The following NARS2 variants were observed in gnomAD, a reference collection of about 807,000 sequenced individuals.
NARS2 encodes asparaginyl-tRNA synthetase 2, mitochondrial, also known as asparaginyl-tRNA synthetase.
NARS2 carries 60 observed loss-of-function variants against 62.9 expected under a neutral mutation model. The observed-to-expected ratio is 0.95, with a 90% CI of 0.77 to 1.18. The LOEUF (loss-of-function observed/expected upper bound fraction) is 1.18, where lower values mean the gene tolerates loss of function less well. Among genes scored for constraint, NARS2 ranks in the 50% most tolerant of loss-of-function variants. The probability of loss-of-function intolerance (pLI) is 0.00; values close to 1 mark genes in which losing one functional copy is unlikely to be tolerated. For synonymous variants in NARS2, 196 were observed against 200.0 expected, an observed-to-expected ratio of 0.98 and a Z score of 0.17; for missense variants, 619 against 576.4, an observed-to-expected ratio of 1.07 and a Z score of -0.76.
At chr11:78,451,537 G>A (rs1039418839) in intron 11 of NARS2, among the ~76,000 whole-genome samples, 9 of 152,244 alleles carry the variant, frequency 5.9e-5, no homozygotes, top group African/African-American at 1.9e-4. Context: ...GCATTTGCGG[G>A]TGATGACAAC....
At chr11:78,475,270 G>A (rs1026185252) in intron 9 of NARS2, among the ~76,000 whole-genome samples, 1 of 152,116 alleles carries the variant, frequency 6.6e-6, no homozygotes, top group Non-Finnish European at 1.5e-5. Context: ...GTATTCCACT[G>A]TGTATATATA....
intron 5 of NARS2, among the ~76,000 whole-genome samples, chr11:78,543,381 T>C (rs1855707045): frequency 6.6e-6 from 1 of 152,162 alleles, no homozygotes; most frequent in South Asian, 2.1e-4. Context: ...TTTCCCCTAA[T>C]AATTAGATGG....
intron 11 of NARS2, among the ~76,000 whole-genome samples, chr11:78,448,589 A>T (rs1157519866): frequency 6.6e-6 from 1 of 152,074 alleles, no homozygotes; most frequent in Non-Finnish European, 1.5e-5. Flanking sequence ...GGGATTACAG[A>T]TGTGAACCAC....
chr11:78,544,028 A>AAAAC (rs1294636927), intron 5 of NARS2, among the ~76,000 whole-genome samples: 6 of 151,038 alleles, frequency 4.0e-5, no homozygotes, highest in Non-Finnish European at 5.9e-5. Flanking sequence ...CAAAAAAAAA[A>AAAAC]AAAAAAAAAA....
At chr11:78,449,743 A>G (rs1184924510) in intron 11 of NARS2, among the ~76,000 whole-genome samples, 2 of 152,212 alleles carry the variant, frequency 1.3e-5, no homozygotes, top group Non-Finnish European at 2.9e-5. Context: ...ATTGAGAAGC[A>G]TAACTAGCCT....
At chr11:78,442,693 T>C (rs1417922631) in intron 12 of NARS2, among the ~76,000 whole-genome samples, 1 of 152,058 alleles carries the variant, frequency 6.6e-6, no homozygotes, top group Non-Finnish European at 1.5e-5. Flanking sequence ...ATGGTTAGTT[T>C]AGGAAGTCAT....
Position 78,574,657 on chromosome 11 carries a change from G to A in NARS2, c.-169C>T, listed in dbSNP as rs1265385217. On this transcript the variant is annotated 5_prime_UTR_variant, in exon 1 of 14. Coordinates refer to ENST00000281038, the MANE Select transcript of NARS2 (RefSeq NM_024678.6). ...TTTCTCCTTCAGGACTCCCAGCTCT[G>A]TCCCCACAGAACCTCTCCGCTTCCC... 50 of 684,480 alleles carry A rather than the reference G, an allele frequency of 7.3e-5. No homozygotes were observed. The highest frequency in any genetic ancestry group is 5.6e-4 in the South Asian group (29 of 51,416). 42.4% of individuals were successfully genotyped at this position (684,480 alleles called of 1,614,324 possible).
intron 7 of NARS2, among the ~76,000 whole-genome samples, chr11:78,490,770 AAG>A: frequency 6.6e-6 from 1 of 152,298 alleles, no homozygotes; most frequent in Admixed American, 6.5e-5. Context: ...TCAAAAAAAA[AAG>A]AATAAAGAAA....
intron 9 of NARS2, among the ~76,000 whole-genome samples, chr11:78,471,222 G>C (rs4945280): frequency 6.6e-6 from 1 of 152,188 alleles, no homozygotes; most frequent in Non-Finnish European, 1.5e-5. Flanking sequence ...CAGAAGGTTA[G>C]AGAGGATCAA....
chr11:78,561,129 T>C (rs1590866951), intron 4 of NARS2, among the ~76,000 whole-genome samples: 1 of 152,184 alleles, frequency 6.6e-6, no homozygotes, highest in South Asian at 2.1e-4. Context: ...GTGGGAATTA[T>C]TTTTAATACT....
rs185931047 is a variant in NARS2 at position 78,501,427 on chromosome 11, T to C, written c.690-8232A>G. ...AACTTCAAGGATTCCCCTGAGAGGA[T>C]GTGAAGCCCCAGAGATATCCAGACC... is the stretch of plus-strand genomic sequence containing the variant. On this transcript the variant is annotated intron_variant, in intron 6 of 13. Coordinates refer to ENST00000281038, the MANE Select transcript of NARS2 (RefSeq NM_024678.6). Among the ~76,000 whole-genome samples, 43 of 152,356 alleles carry C rather than the reference T, an allele frequency of 2.8e-4. 2 individuals are homozygous for C. The South Asian group carries it at 8.9e-3, about 32-fold the overall frequency.
intron 2 of NARS2, among the ~76,000 whole-genome samples, chr11:78,569,843 G>A (rs1355985389): frequency 1.3e-5 from 2 of 152,170 alleles, no homozygotes; most frequent in Non-Finnish European, 2.9e-5. Flanking sequence ...AGACCCATGT[G>A]ATTGCTATAC....
At chr11:78,567,673 C>G (rs1856790941) in intron 3 of NARS2, among the ~76,000 whole-genome samples, 1 of 152,184 alleles carries the variant, frequency 6.6e-6, no homozygotes, top group African/African-American at 2.4e-5. Context: ...ATTAGAATTT[C>G]TTGGAAATTA....
At chr11:78,505,191 G>A (rs10899535) in intron 6 of NARS2, among the ~76,000 whole-genome samples, 104,640 of 151,022 alleles carry the variant, frequency 0.69, 37,778 homozygotes, top group Non-Finnish European at 0.81. Flanking sequence ...AGACTGAGGA[G>A]GGAGGATCAC....
intron 9 of NARS2, among the ~76,000 whole-genome samples, chr11:78,475,161 A>T (rs1052159805): frequency 1.3e-5 from 2 of 152,190 alleles, no homozygotes; most frequent in Admixed American, 1.3e-4. Flanking sequence ...CATCAAAGTG[A>T]ATCATGCAGT....
At chr11:78,527,728 T>C (rs1045236301) in intron 6 of NARS2, among the ~76,000 whole-genome samples, 2 of 152,238 alleles carry the variant, frequency 1.3e-5, no homozygotes, top group Admixed American at 6.5e-5. Context: ...GAAAAGATTT[T>C]TTTAAGTCCT....
In NARS2 at chr11:78,574,348, C is replaced by T; in HGVS notation, c.141G>A (p.Gln47=). 6.2e-7 allele frequency: 1 copy of T among 1,614,228 alleles called. No individual in the cohort carries two copies. The highest frequency in any genetic ancestry group is 1.1e-5 in the South Asian group (1 of 91,088). Residue 47 remains glutamine, a splice_region_variant and synonymous_variant, in exon 1 of 14, where the codon CAG becomes CAA. Coordinates refer to ENST00000281038, the MANE Select transcript of NARS2 (RefSeq NM_024678.6). ...QNASGERIKI[Q]GWIRSVRSQK... ...ACCCACTCCCTTCCCATTCACCAAC[C>T]TGGATCTTAATGCGCTCCCCACTCG...
At chr11:78,553,457 G>A (rs1590856181) in intron 5 of NARS2, among the ~76,000 whole-genome samples, 2 of 151,988 alleles carry the variant, frequency 1.3e-5, no homozygotes, top group South Asian at 4.2e-4. Context: ...CCCGGCTAAT[G>A]TTTGTATTTT....
rs142399654 is a variant in NARS2 at position 78,502,235 on chromosome 11, A to G, written c.690-9040T>C. Among the ~76,000 whole-genome samples the G allele has an allele frequency of 3.2e-4, 48 of 152,334 alleles. No homozygotes were observed. In the South Asian group the frequency reaches 6.0e-3, roughly 19 times the overall value. ...CAAAATATCACAGACTGGGTGCCTT[A>G]AACAACAGAAATTAATTTTCCTGCA... On this transcript the variant is annotated intron_variant, in intron 6 of 13. Transcript: ENST00000281038.
Sources: gnomAD v4.1 joint callset for allele counts (sites outside exome capture counted in the v4.1 genomes callset) on GRCh38, gnomAD v4.1.1 for gene constraint, MANE v1.5 for transcripts, NCBI Gene and HGNC (gene_info 2026-07-23, HGNC 2026-07-21) for gene names.